PPP1R13B: variants seen among roughly 807,000 people sequenced by gnomAD.
PPP1R13B encodes protein phosphatase 1 regulatory subunit 13B, also known as apoptosis-stimulating of p53 protein 1.
A neutral mutation model predicts 119.8 loss-of-function variants in PPP1R13B; 44 were observed. That is an observed-to-expected ratio of 0.37 (90% CI 0.29 to 0.47). The LOEUF (loss-of-function observed/expected upper bound fraction) is 0.47, where lower values mean the gene tolerates loss of function less well. PPP1R13B is among the 20% of genes least tolerant of loss of function. PPP1R13B has a pLI of 0.99. For missense variants in PPP1R13B, 1,227 were observed against 1,413.5 expected (o/e 0.87, Z 2.12); for synonymous variants, 542 against 561.5 (o/e 0.97, Z 0.49).
intron 2 of PPP1R13B, chr14:103,794,460 G>T: frequency 5.4e-6 from 1 of 185,990 alleles, no homozygotes; most frequent in South Asian, 8.4e-5. Flanking sequence ...CCGAGTAGCA[G>T]GGATTACAGG....
At chr14:103,818,660 A>G (rs536355255) in intron 1 of PPP1R13B, among the ~76,000 whole-genome samples, 1 of 152,154 alleles carries the variant, frequency 6.6e-6, no homozygotes, top group East Asian at 1.9e-4. Context: ...GGTCACGCTT[A>G]TTTTACATGG....
chr14:103,810,453 A>G (rs1232073991), intron 1 of PPP1R13B, among the ~76,000 whole-genome samples: 5 of 151,542 alleles, frequency 3.3e-5, no homozygotes, highest in Non-Finnish European at 5.9e-5. Flanking sequence ...AACAGTATCA[A>G]TTCTGACACC....
At chr14:103,767,621 T>C (rs2084966614) in intron 4 of PPP1R13B, among the ~76,000 whole-genome samples, 1 of 152,160 alleles carries the variant, frequency 6.6e-6, no homozygotes, top group Admixed American at 6.5e-5. Flanking sequence ...AAGATTAATC[T>C]GAGCTCTTAG....
intron 1 of PPP1R13B, among the ~76,000 whole-genome samples, chr14:103,825,896 G>A (rs2086528439): frequency 6.6e-6 from 1 of 150,476 alleles, no homozygotes; most frequent in Non-Finnish European, 1.5e-5. Context: ...CAAGGCTGGA[G>A]TACAGTGGCG....
intron 8 of PPP1R13B, among the ~76,000 whole-genome samples, chr14:103,748,127 G>A (rs1246720017): frequency 1.3e-5 from 2 of 150,720 alleles, no homozygotes; most frequent in Non-Finnish European, 2.9e-5. Flanking sequence ...GCACGCGCAC[G>A]CTACTGGTTC....
intron 14 of PPP1R13B, 87 bp from the exon 15 acceptor site, chr14:103,737,947 C>T (rs760262644): frequency 3.6e-6 from 5 of 1,401,658 alleles, no homozygotes; most frequent in South Asian, 1.4e-5. Flanking sequence ...TAAGGAATCT[C>T]GCGGAAGGCG....
At chr14:103,843,267 T>C (rs2086950452) in intron 1 of PPP1R13B, among the ~76,000 whole-genome samples, 1 of 151,026 alleles carries the variant, frequency 6.6e-6, no homozygotes, top group African/African-American at 2.4e-5. Flanking sequence ...CCAGCTACTG[T>C]GGAGGCTGGG....
rs7150438 is a variant in PPP1R13B at position 103,838,997 on chromosome 14, C to A, written c.9+8302G>T. ...AAACACAGACCACTGTGTTTCATTT[C>A]TTTTTCTTTTTTTCTTTGAGACAGA... On this transcript the variant is annotated intron_variant, in intron 1 of 16. Transcript: ENST00000202556. 6.0e-3 allele frequency among the ~76,000 whole-genome samples: 909 copies of A among 152,194 alleles called. 13 individuals carry two copies. Among genetic ancestry groups the A allele is most frequent in the African/African-American group, 0.021 (873 of 41,528 alleles).
At chr14:103,807,512 T>C (rs1310802324) in intron 1 of PPP1R13B, among the ~76,000 whole-genome samples, 1 of 152,196 alleles carries the variant, frequency 6.6e-6, no homozygotes. Flanking sequence ...CCCTTTTTTT[T>C]GAGACAGAGT....
chr14:103,793,585 G>C lies in PPP1R13B; in HGVS notation c.157+3786C>G, dbSNP rs1024347407. 2.0e-5 allele frequency among the ~76,000 whole-genome samples: 3 copies of C among 152,128 alleles called. 1 individual carries two copies. Among genetic ancestry groups the C allele is most frequent in the Admixed American group, 2.0e-4 (3 of 15,260 alleles). Reference sequence around the variant, plus strand: ...CCATCTCTGGCAGTTCTTTATAGCAGTATGAAAATGGACTAACTACCCTAT... The same window carrying C: ...CCATCTCTGGCAGTTCTTTATAGCACTATGAAAATGGACTAACTACCCTAT... On this transcript the variant is annotated intron_variant, in intron 2 of 16. Transcript: ENST00000202556.
At chr14:103,819,055 G>A (rs1170395765) in intron 1 of PPP1R13B, among the ~76,000 whole-genome samples, 1 of 152,180 alleles carries the variant, frequency 6.6e-6, no homozygotes, top group East Asian at 1.9e-4. Context: ...ATGACAGCTT[G>A]AAGGAAGACC....
rs2151956014 is a variant in PPP1R13B, at chr14:103,734,450, G to C, written c.*704C>G. On this transcript the variant is annotated 3_prime_UTR_variant, in exon 17 of 17. Coordinates refer to ENST00000202556, the MANE Select transcript of PPP1R13B (RefSeq NM_015316.3). Reference sequence around the variant, plus strand: ...CATGACAGGCTGTGAGATCGGAGGAGAAGAGTATATGCTGAGGCTCTCCCA... The same window carrying C: ...CATGACAGGCTGTGAGATCGGAGGACAAGAGTATATGCTGAGGCTCTCCCA... 2.2e-6 allele frequency: 1 copy of C among 450,136 alleles called. No individual in the cohort carries two copies. Among genetic ancestry groups the C allele is most frequent in the Middle Eastern group, 4.3e-4 (1 of 2,346 alleles). The allele number at this position is 450,136 out of a possible 1,614,324, so 27.9% of individuals were successfully genotyped here. A position where few individuals can be genotyped will look rare whatever the true frequency, so the allele number is the denominator to read the frequency against.
chr14:103,746,231 C>T (rs1028493929), intron 9 of PPP1R13B, 142 bp downstream of exon 9: 10 of 830,590 alleles, frequency 1.2e-5, no homozygotes, highest in African/African-American at 1.0e-4. Context: ...GCTCTCCAAG[C>T]GCCTCACGGG....
intron 9 of PPP1R13B, among the ~76,000 whole-genome samples, chr14:103,745,124 C>T (rs1193097818): frequency 6.6e-6 from 1 of 152,222 alleles, no homozygotes; most frequent in African/African-American, 2.4e-5. Flanking sequence ...TTCATGCCAA[C>T]CCCACACTTT....
chr14:103,763,618 G>A (rs1195888575), intron 4 of PPP1R13B, among the ~76,000 whole-genome samples: 6 of 151,940 alleles, frequency 3.9e-5, no homozygotes, highest in South Asian at 4.1e-4. Flanking sequence ...TTAACTTTTC[G>A]AGTCACAGGC....
At chr14:103,833,383 C>A (rs2086702398) in intron 1 of PPP1R13B, among the ~76,000 whole-genome samples, 1 of 152,134 alleles carries the variant, frequency 6.6e-6, no homozygotes, top group South Asian at 2.1e-4. Flanking sequence ...GTGGCTCATG[C>A]CTGTAATCCT....
intron 1 of PPP1R13B, among the ~76,000 whole-genome samples, chr14:103,837,513 CTCCT>C (rs1167014815): frequency 6.6e-6 from 1 of 151,890 alleles, no homozygotes; most frequent in Non-Finnish European, 1.5e-5. Context: ...CCCTCCCTCC[CTCCT>C]TCCTTCCTCT....
rs140167181 is a variant in PPP1R13B, at chr14:103,797,751, A to G, written c.10-233T>C. Among the ~76,000 whole-genome samples, 320 of 152,220 alleles carry G rather than the reference A, an allele frequency of 2.1e-3. 2 individuals are homozygous for G. The highest frequency in any genetic ancestry group is 6.8e-3 in the African/African-American group (282 of 41,518). ...TAGAAAAGAAAGAGCACTATCTTAT[A>G]AAGTGCTCAAAACAACATGACAGCA... On this transcript the variant is annotated intron_variant, in intron 1 of 16. Coordinates refer to ENST00000202556, the MANE Select transcript of PPP1R13B (RefSeq NM_015316.3).
intron 2 of PPP1R13B, among the ~76,000 whole-genome samples, chr14:103,793,593 A>T (rs2085681513): frequency 1.3e-5 from 2 of 152,152 alleles, no homozygotes; most frequent in African/African-American, 4.8e-5. Context: ...CAGTATGAAA[A>T]TGGACTAACT....
Sources: gnomAD v4.1 joint callset for allele counts (sites outside exome capture counted in the v4.1 genomes callset) on GRCh38, gnomAD v4.1.1 for gene constraint, MANE v1.5 for transcripts, NCBI Gene and HGNC (gene_info 2026-07-23, HGNC 2026-07-21) for gene names.